TRAPPC12: variants seen among roughly 807,000 people sequenced by gnomAD.
The protein encoded by TRAPPC12 is trafficking protein particle complex subunit 12.
TRAPPC12 carries 61 observed loss-of-function variants against 69.2 expected under a neutral mutation model. That is an observed-to-expected ratio of 0.88 (90% confidence interval 0.72 to 1.09). The LOEUF is 1.09. Ranked by LOEUF, TRAPPC12 falls within the 50% of genes least tolerant of loss-of-function variation. The pLI is 0.00. For synonymous variants in TRAPPC12, 469 were observed against 438.9 expected (o/e 1.07, Z -0.86); for missense variants, 1,101 against 1,016.4 (o/e 1.08, Z -1.13).
rs367571357 is a variant in TRAPPC12, at chr2:3,461,100, A to C, written c.1677+764A>C. ...TAACTCCCACACCCATGCGGCTTTC[A>C]TGGGGCCAAGGTCATTCCTGAGCTT... On this transcript the variant is annotated intron_variant, in intron 8 of 11. Transcript: ENST00000324266. 1.6e-4 allele frequency among the ~76,000 whole-genome samples: 24 copies of C among 152,316 alleles called. No homozygotes were observed. The East Asian group carries it at 2.5e-3, about 16-fold the overall frequency.
intron 5 of TRAPPC12, among the ~76,000 whole-genome samples, chr2:3,436,762 ATCTCCCCACTACCCC>A: frequency 1.2e-4 from 18 of 146,486 alleles, no homozygotes; most frequent in African/African-American, 4.1e-4. Flanking sequence ...CCCTGGATTA[ATCTCCCCACTACCCC>A]TGGATTAATA....
chr2:3,388,710 C>A, intron 2 of TRAPPC12, 40 bp downstream of exon 2: 2 of 1,487,026 alleles, frequency 1.3e-6, no homozygotes, highest in Non-Finnish European at 1.8e-6. Flanking sequence ...CGTGCCTCCT[C>A]TCTGCGTCTG....
chr2:3,411,837 A>G (rs1444851594), intron 3 of TRAPPC12, among the ~76,000 whole-genome samples: 1 of 152,144 alleles, frequency 6.6e-6, no homozygotes, highest in Non-Finnish European at 1.5e-5. Context: ...AATACTCCCC[A>G]TTGTCGTTCA....
intron 3 of TRAPPC12, among the ~76,000 whole-genome samples, chr2:3,410,054 T>C (rs989060684): frequency 6.6e-6 from 1 of 152,210 alleles, no homozygotes; most frequent in Non-Finnish European, 1.5e-5. Context: ...TGCCACGTGC[T>C]CTTTTGTGTT....
chr2:3,427,944 C>G (rs908199963), intron 5 of TRAPPC12, among the ~76,000 whole-genome samples: 1 of 152,040 alleles, frequency 6.6e-6, no homozygotes, highest in East Asian at 1.9e-4. Context: ...TTACCTTTGG[C>G]CATTCAGGAA....
intron 3 of TRAPPC12, among the ~76,000 whole-genome samples, chr2:3,406,973 GA>G (rs1230489074): frequency 3.9e-5 from 6 of 152,202 alleles, no homozygotes; most frequent in African/African-American, 9.6e-5. Context: ...TACGTAAGGT[GA>G]AAAATGTATT....
intron 5 of TRAPPC12, 45 bp from the exon 6 acceptor site, chr2:3,443,734 C>T: frequency 6.6e-7 from 1 of 1,509,352 alleles, no homozygotes; most frequent in Non-Finnish European, 9.2e-7. Context: ...TGAATGCGTG[C>T]TCAGTTATGG....
intron 3 of TRAPPC12, among the ~76,000 whole-genome samples, chr2:3,420,132 G>T (rs188632729): frequency 6.6e-6 from 1 of 152,264 alleles, no homozygotes; most frequent in Non-Finnish European, 1.5e-5. Context: ...GGGGTCCTTC[G>T]ATAGGTCAGT....
intron 3 of TRAPPC12, among the ~76,000 whole-genome samples, chr2:3,403,324 C>A (rs1036884481): frequency 6.6e-6 from 1 of 151,360 alleles, no homozygotes; most frequent in African/African-American, 2.4e-5. Flanking sequence ...CCTCCACCTC[C>A]CGGGTTCAAG....
At chr2:3,384,205 A>T (rs1246243493) in intron 1 of TRAPPC12, among the ~76,000 whole-genome samples, 2 of 152,096 alleles carry the variant, frequency 1.3e-5, no homozygotes, top group Non-Finnish European at 2.9e-5. Context: ...CCAATATTTC[A>T]GTCTTTATAC....
In TRAPPC12 at chr2:3,443,873, G is replaced by A. The variant is rs1664359261; in HGVS notation, c.1512G>A (p.Val504=). The A allele has an allele frequency of 1.2e-6, 2 of 1,613,716 alleles. No individual in the cohort carries two copies. Among genetic ancestry groups the A allele is most frequent in the Non-Finnish European group, 1.7e-6 (2 of 1,179,864 alleles). The change falls in exon 6 of 12, where the codon GTG becomes GTA. Residue 504 remains valine, a synonymous_variant. Transcript: ENST00000324266. ...PQESLDRLHK[V]KTVCSKILAN... The stretch of plus-strand genomic sequence containing the variant: ...AGTCGCTGGATAGACTGCACAAGGT[G>A]AAGACTGTCTGCAGCAAGGTAGGTG...
chr2:3,409,138 G>C (rs1661897106), intron 3 of TRAPPC12, among the ~76,000 whole-genome samples: 1 of 152,178 alleles, frequency 6.6e-6, no homozygotes, highest in South Asian at 2.1e-4. Context: ...AAAAAGTTAA[G>C]ACTCTCTTCA....
chr2:3,428,545 T>G (rs1411764143), intron 5 of TRAPPC12, among the ~76,000 whole-genome samples: 1 of 152,222 alleles, frequency 6.6e-6, no homozygotes, highest in African/African-American at 2.4e-5. Context: ...AGAATATTCA[T>G]AACAAGACAT....
chr2:3,410,805 G>A (rs1164114418), intron 3 of TRAPPC12, among the ~76,000 whole-genome samples: 3 of 152,222 alleles, frequency 2.0e-5, no homozygotes, highest in Non-Finnish European at 4.4e-5. Context: ...GACGAGGCAG[G>A]CAGATCACGA....
intron 4 of TRAPPC12, among the ~76,000 whole-genome samples, chr2:3,423,443 C>CT (rs1662931485): frequency 2.0e-5 from 3 of 152,032 alleles, no homozygotes; most frequent in Admixed American, 2.0e-4. Flanking sequence ...GAGCTTATTC[C>CT]TTGCGTCACT....
intron 9 of TRAPPC12, among the ~76,000 whole-genome samples, chr2:3,470,287 C>G (rs1432902040): frequency 1.3e-5 from 2 of 152,266 alleles, no homozygotes; most frequent in Non-Finnish European, 2.9e-5. Flanking sequence ...TAAGAACACC[C>G]TGTTCCACAA....
At chr2:3,402,200 A>G (rs945895617) in intron 3 of TRAPPC12, among the ~76,000 whole-genome samples, 5 of 152,222 alleles carry the variant, frequency 3.3e-5, no homozygotes, top group African/African-American at 1.2e-4. Flanking sequence ...CATTTTTTAA[A>G]TATATTGCAT....
At chr2:3,408,936 G>A (rs549250845) in intron 3 of TRAPPC12, among the ~76,000 whole-genome samples, 236 of 152,276 alleles carry the variant, frequency 1.5e-3, no homozygotes, top group Middle Eastern at 3.4e-3. Context: ...TCCCACACAC[G>A]CTCCTTTCCT....
chr2:3,389,953 A>C (rs929741004), intron 2 of TRAPPC12, among the ~76,000 whole-genome samples: 1 of 152,152 alleles, frequency 6.6e-6, no homozygotes, highest in African/African-American at 2.4e-5. Flanking sequence ...GCAAAAAAGA[A>C]GGCTAAAACA....
Sources: allele counts gnomAD v4.1 joint callset (sites outside exome capture counted in the v4.1 genomes callset), GRCh38; gene constraint gnomAD v4.1.1; transcripts MANE v1.5; gene names NCBI Gene and HGNC (gene_info 2026-07-23, HGNC 2026-07-21).